Variants in BDP1 observed in about 807,000 individuals in gnomAD.
The protein encoded by BDP1 is BDP1 general transcription factor IIIB subunit.
BDP1 carries 169 observed loss-of-function variants against 266.6 expected under a neutral mutation model. That is an observed-to-expected ratio of 0.63 (90% CI 0.56 to 0.72). BDP1 has a LOEUF of 0.72. Ranked by LOEUF, BDP1 falls within the 30% of genes least tolerant of loss-of-function variation. BDP1 has a pLI of 0.00. For missense variants in BDP1, 3,015 were observed against 3,053.8 expected (o/e 0.99, Z 0.30); for synonymous variants, 1,090 against 1,022.4 (o/e 1.07, Z -1.26).
At chr5:71,552,220 C>T (rs567434741) in intron 34 of BDP1, among the ~76,000 whole-genome samples, 5 of 148,458 alleles carry the variant, frequency 3.4e-5, no homozygotes, top group Admixed American at 6.7e-5. Context: ...ACATCCCAGA[C>T]GGGGCGGCGG....
intron 7 of BDP1, among the ~76,000 whole-genome samples, chr5:71,477,920 G>C (rs1421345025): frequency 1.3e-5 from 2 of 151,860 alleles, no homozygotes; most frequent in Non-Finnish European, 2.9e-5. Flanking sequence ...ACCTGGCCCA[G>C]ATAAATTTCT....
intron 5 of BDP1, among the ~76,000 whole-genome samples, chr5:71,466,497 A>C (rs1761913142): frequency 6.6e-6 from 1 of 152,176 alleles, no homozygotes; most frequent in Non-Finnish European, 1.5e-5. Context: ...CTGTTGAACT[A>C]ATCATATGCT....
At chr5:71,459,409 G>A (rs1382095021) in intron 2 of BDP1, among the ~76,000 whole-genome samples, 3 of 152,186 alleles carry the variant, frequency 2.0e-5, no homozygotes, top group African/African-American at 7.2e-5. Context: ...CTACTGGGGA[G>A]GCTGAGGCAT....
intron 38 of BDP1, chr5:71,562,915 ACT>A: frequency 7.9e-7 from 1 of 1,271,904 alleles, no homozygotes; most frequent in Non-Finnish European, 1.0e-6. Context: ...GGGATGGAAA[ACT>A]CTGTAAACCT....
chr5:71,544,407 G>A lies in BDP1; in HGVS notation c.6463G>A (p.Gly2155Arg). ...KATELENKNL[G>R]PVTTAENKDQ... ...AACAGAATTGGAAAATAAAAACCTC[G>A]GACCAGTTACAACAGCAGAGAATAA... The change falls in exon 31 of 39, where the codon GGA becomes AGA. Residue 2155 changes from glycine (G) to arginine (R), a missense_variant. Physicochemically the swap from Gly to Arg is moderately radical, Grantham distance 125. Transcript: ENST00000358731. 1.2e-6 allele frequency: 2 copies of A among 1,613,514 alleles called. No homozygotes were observed. The highest frequency in any genetic ancestry group is 1.1e-5 in the South Asian group (1 of 90,894).
At chr5:71,563,363 T>G (rs277942) in intron 38 of BDP1, among the ~76,000 whole-genome samples, 68,832 of 152,046 alleles carry the variant, frequency 0.45, 15,911 homozygotes, top group South Asian at 0.55. Context: ...GGCCATGCTG[T>G]TCTCAAATGC....
intron 11 of BDP1, among the ~76,000 whole-genome samples, chr5:71,492,716 G>A (rs1413157051): frequency 2.0e-5 from 3 of 151,980 alleles, no homozygotes; most frequent in Admixed American, 2.0e-4. Flanking sequence ...TTCCTTTGGC[G>A]TACAGAAGTT....
At chr5:71,547,599 C>G (rs1742428588) in intron 32 of BDP1, among the ~76,000 whole-genome samples, 1 of 152,188 alleles carries the variant, frequency 6.6e-6, no homozygotes, top group Non-Finnish European at 1.5e-5. Context: ...TTAATATCCA[C>G]TGATGATTCC....
intron 7 of BDP1, among the ~76,000 whole-genome samples, chr5:71,474,617 G>C (rs1003117881): frequency 6.6e-6 from 1 of 151,850 alleles, no homozygotes; most frequent in Admixed American, 6.6e-5. Context: ...GGAGGCTGAG[G>C]GGGGTGGGTC....
intron 22 of BDP1, among the ~76,000 whole-genome samples, chr5:71,518,698 C>T (rs1228578174): frequency 6.6e-6 from 1 of 152,050 alleles, no homozygotes; most frequent in Non-Finnish European, 1.5e-5. Flanking sequence ...AAGTGAACCG[C>T]CCATCTCGGC....
intron 1 of BDP1, among the ~76,000 whole-genome samples, chr5:71,457,239 A>G (rs1217274533): frequency 6.8e-6 from 1 of 147,054 alleles, no homozygotes; most frequent in Non-Finnish European, 1.5e-5. Context: ...TTGAGTTGAC[A>G]TTTACGTTTG....
chr5:71,544,395 A>C lies in BDP1; in HGVS notation c.6451A>C (p.Asn2151His), dbSNP rs1394435857. Residue 2151 changes from asparagine to histidine, a missense_variant, in exon 31 of 39, where the codon AAT (asparagine) becomes CAT (histidine). Physicochemically the swap from Asn to His is moderately conservative, Grantham distance 68 (BLOSUM62 1). Coordinates refer to ENST00000358731, the MANE Select transcript of BDP1 (RefSeq NM_018429.3). ...TGCTTCCAAAGCAACAGAATTGGAA[A>C]ATAAAAACCTCGGACCAGTTACAAC... The part of the protein sequence containing the change: ...KNASKATELE[N>H]KNLGPVTTAE... 1.9e-6 allele frequency: 3 copies of C among 1,613,294 alleles called. No homozygotes were observed. The highest frequency in any genetic ancestry group is 2.2e-5 in the East Asian group (1 of 44,876).
At chr5:71,487,777 T>G (rs1763356786) in intron 9 of BDP1, among the ~76,000 whole-genome samples, 1 of 152,204 alleles carries the variant, frequency 6.6e-6, no homozygotes, top group Non-Finnish European at 1.5e-5. Flanking sequence ...AGAAAAGCAG[T>G]TCAGCATAAA....
chr5:71,564,815 A>G lies in BDP1; in HGVS notation c.7805A>G (p.Gln2602Arg). The G allele has an allele frequency of 6.2e-7, 1 of 1,611,660 alleles. No homozygotes were observed. The highest frequency in any genetic ancestry group is 8.5e-7 in the Non-Finnish European group (1 of 1,179,684). ...AAAAGTGCCCAAAAGCGGGCCCCTC[A>G]AGGGGAGGCAACCACAGTCTCTGAA... is the stretch of plus-strand genomic sequence containing the variant. ...GYKSAQKRAPQGEATTVSEYF... is the reference protein window; with the variant it reads ...GYKSAQKRAPRGEATTVSEYF... The change falls in exon 39 of 39, where the codon CAA becomes CGA. Residue 2602 changes from glutamine to arginine, a missense_variant. Coordinates refer to ENST00000358731, the MANE Select transcript of BDP1 (RefSeq NM_018429.3).
chr5:71,502,658 A>G lies in BDP1; in HGVS notation c.2108A>G (p.Gln703Arg), dbSNP rs1383773513. Residue 703 changes from glutamine (Q) to arginine (R), a missense_variant, in exon 15 of 39, where the codon CAA becomes CGA. Physicochemically the swap from Gln to Arg is conservative, Grantham distance 43. This residue lies in a region of BDP1 where 2,383 missense variants were observed against 2,404.9 expected (regional missense o/e 0.99). Coordinates refer to ENST00000358731, the MANE Select transcript of BDP1 (RefSeq NM_018429.3). Reference sequence around the variant, plus strand: ...CAACTAAAGGCTTTAAGACCTGTACAAGTGAGGGGCCGATTGCAAAAGCCA... The same window carrying G: ...CAACTAAAGGCTTTAAGACCTGTACGAGTGAGGGGCCGATTGCAAAAGCCA... ...GSQLKALRPV[Q>R]VRGRLQKPKP... The G allele has an allele frequency of 4.3e-6, 7 of 1,614,018 alleles. No individual in the cohort carries two copies. In the African/African-American group the frequency reaches 8.0e-5, roughly 18 times the overall value.
chr5:71,521,870 A>G (rs1382686496), intron 22 of BDP1, among the ~76,000 whole-genome samples: 1 of 152,098 alleles, frequency 6.6e-6, no homozygotes, highest in Non-Finnish European at 1.5e-5. Flanking sequence ...CGAGTTGGTT[A>G]TAACTGTCAT....
intron 27 of BDP1, 28 bp downstream of exon 27, chr5:71,539,106 A>T: frequency 6.6e-7 from 1 of 1,523,366 alleles, no homozygotes; most frequent in South Asian, 1.1e-5. Context: ...AACTGCTAAG[A>T]CTACCTTGAT....
intron 37 of BDP1, among the ~76,000 whole-genome samples, chr5:71,560,549 A>G (rs912044080): frequency 2.6e-5 from 4 of 152,208 alleles, no homozygotes; most frequent in African/African-American, 9.6e-5. Flanking sequence ...CTACTAATGC[A>G]CATATGTATG....
intron 28 of BDP1, among the ~76,000 whole-genome samples, chr5:71,540,838 T>TGAGA (rs531707736): frequency 4.0e-4 from 61 of 152,226 alleles, no homozygotes; most frequent in Admixed American, 3.7e-3. Context: ...CTTGGGAAGC[T>TGAGA]GAGGTGGGAG....
Sources: allele counts gnomAD v4.1 joint callset (sites outside exome capture counted in the v4.1 genomes callset), GRCh38; gene constraint gnomAD v4.1.1; regional missense constraint gnomAD v4.1.1; transcripts MANE v1.5; gene names NCBI Gene and HGNC (gene_info 2026-07-23, HGNC 2026-07-21).